Variants in MACROD2 observed in about 807,000 individuals in gnomAD.
MACROD2 encodes the protein mono-ADP ribosylhydrolase 2.
Under a neutral mutation model 70.4 loss-of-function variants are expected in MACROD2, and 36 were observed. The ratio of observed to expected loss-of-function variants is 0.51; its 90% CI spans 0.39 to 0.68. The LOEUF (loss-of-function observed/expected upper bound fraction) is 0.68, where lower values mean the gene tolerates loss of function less well. MACROD2 is among the 30% of genes least tolerant of loss of function. The pLI is 0.00. For missense variants in MACROD2, 496 were observed against 538.4 expected, an observed-to-expected ratio of 0.92 and a Z score of 0.78; for synonymous variants, 172 against 178.8, an observed-to-expected ratio of 0.96 and a Z score of 0.30.
At chr20:16,036,553 G>T (rs2067239289) in intron 15 of MACROD2, among the ~76,000 whole-genome samples, 1 of 151,916 alleles carries the variant, frequency 6.6e-6, no homozygotes, top group South Asian at 2.1e-4. Context: ...TGTACCTCTT[G>T]TTTGTGTTTC....
At chr20:14,761,380 C>T (rs117067951) in intron 5 of MACROD2, among the ~76,000 whole-genome samples, 2 of 152,150 alleles carry the variant, frequency 1.3e-5, no homozygotes, top group Admixed American at 6.5e-5. Context: ...ATTTGAGTCA[C>T]GATATCTATA....
chr20:15,357,051 T>C (rs2078295933), intron 6 of MACROD2, among the ~76,000 whole-genome samples: 1 of 152,144 alleles, frequency 6.6e-6, no homozygotes, highest in African/African-American at 2.4e-5. Flanking sequence ...AGCTAGTGAC[T>C]ATCCAATTAG....
chr20:15,443,701 C>T (rs773148669), intron 7 of MACROD2, among the ~76,000 whole-genome samples: 3 of 152,122 alleles, frequency 2.0e-5, no homozygotes, highest in Admixed American at 6.6e-5. Flanking sequence ...TATTCCAGCA[C>T]CTAGCTCAGA....
rs186835435 is a variant in MACROD2 at position 15,127,671 on chromosome 20, A to G, written c.419-102269A>G. 1.1e-4 allele frequency among the ~76,000 whole-genome samples: 16 copies of G among 152,186 alleles called. No individual in the cohort carries two copies. In the East Asian group the frequency reaches 2.7e-3, roughly 26 times the overall value. ...CCACTTGGCAACTGGCTTCTTCCCA[A>G]TAAGTGAAGAGGTAAAGGGAGGTGG... On this transcript the variant is annotated intron_variant, in intron 5 of 17. Transcript: ENST00000684519.
chr20:14,879,044 C>A (rs1426569508), intron 5 of MACROD2, among the ~76,000 whole-genome samples: 1 of 152,096 alleles, frequency 6.6e-6, no homozygotes, highest in African/African-American at 2.4e-5. Context: ...CTATTTTGTG[C>A]TTCTGTGGTT....
At chr20:14,193,336 G>T (rs2081403264) in intron 3 of MACROD2, among the ~76,000 whole-genome samples, 1 of 152,160 alleles carries the variant, frequency 6.6e-6, no homozygotes, top group South Asian at 2.1e-4. Context: ...AAAATTAGCT[G>T]CTTTTATTAA....
chr20:15,132,216 T>C (rs2076111581), intron 5 of MACROD2, among the ~76,000 whole-genome samples: 1 of 151,858 alleles, frequency 6.6e-6, no homozygotes, highest in Non-Finnish European at 1.5e-5. Context: ...TAAAATGAAG[T>C]AAAATAAAAA....
At chr20:15,797,378 G>C (rs544133826) in intron 8 of MACROD2, among the ~76,000 whole-genome samples, 6 of 152,178 alleles carry the variant, frequency 3.9e-5, no homozygotes, top group Non-Finnish European at 7.3e-5. Flanking sequence ...GCCTCCCAAA[G>C]TGCTGGGATT....
chr20:15,311,722 G>A lies in MACROD2; in HGVS notation c.540+81661G>A, dbSNP rs144953554. 4.6e-3 allele frequency among the ~76,000 whole-genome samples: 702 copies of A among 152,244 alleles called. 9 individuals carry two copies. Among genetic ancestry groups the A allele is most frequent in the African/African-American group, 0.016 (679 of 41,544 alleles). On this transcript the variant is annotated intron_variant, in intron 6 of 17. Coordinates refer to ENST00000684519, the MANE Select transcript of MACROD2 (RefSeq NM_001351661.2). ...ACTGCATGTTCTCACATATAAGTGGGAGCTAAATATCGAGTACTCACAAAC... is the reference window on the plus strand; with the variant it reads ...ACTGCATGTTCTCACATATAAGTGGAAGCTAAATATCGAGTACTCACAAAC...
intron 5 of MACROD2, among the ~76,000 whole-genome samples, chr20:14,799,060 C>T (rs2072543489): frequency 6.6e-6 from 1 of 151,892 alleles, no homozygotes; most frequent in Non-Finnish European, 1.5e-5. Flanking sequence ...TTCTTCCTAA[C>T]ATACATTTCC....
At chr20:14,513,913 A>T (rs1281505936) in intron 4 of MACROD2, among the ~76,000 whole-genome samples, 2 of 152,066 alleles carry the variant, frequency 1.3e-5, no homozygotes, top group African/African-American at 2.4e-5. Context: ...AAAAACAAAA[A>T]CAGAAACAAG....
chr20:14,926,419 G>A (rs2074232678), intron 5 of MACROD2, among the ~76,000 whole-genome samples: 2 of 151,928 alleles, frequency 1.3e-5, no homozygotes, highest in South Asian at 4.2e-4. Context: ...GTATGGTGGT[G>A]CGTGCCTGTA....
chr20:15,718,127 T>A (rs971416090), intron 8 of MACROD2, among the ~76,000 whole-genome samples: 2 of 151,018 alleles, frequency 1.3e-5, no homozygotes, highest in African/African-American at 4.9e-5. Context: ...TGCCTCAGCC[T>A]CCCGAGCAGC....
At chr20:14,718,292 CAAAAAAA>C (rs11358439) in intron 5 of MACROD2, among the ~76,000 whole-genome samples, 3 of 54,640 alleles carry the variant, frequency 5.5e-5, no homozygotes, top group Admixed American at 3.4e-4. Context: ...GACTCTGTCT[CAAAAAAA>C]AAAAAAAAAA....
intron 3 of MACROD2, among the ~76,000 whole-genome samples, chr20:14,174,113 G>T (rs1245322297): frequency 6.6e-6 from 1 of 152,128 alleles, no homozygotes; most frequent in Non-Finnish European, 1.5e-5. Flanking sequence ...CAGTCAGGAG[G>T]TGGTGCTCTC....
intron 3 of MACROD2, among the ~76,000 whole-genome samples, chr20:14,349,411 C>T (rs943194885): frequency 6.6e-6 from 1 of 150,730 alleles, no homozygotes; most frequent in Non-Finnish European, 1.5e-5. Flanking sequence ...TCAGTTAATA[C>T]TCTTTTAGTT....
At chr20:14,074,308 G>A (rs2053888821) in intron 2 of MACROD2, among the ~76,000 whole-genome samples, 1 of 152,138 alleles carries the variant, frequency 6.6e-6, no homozygotes, top group Non-Finnish European at 1.5e-5. Context: ...TCCTTTAACA[G>A]TTAATGGTCC....
chr20:15,650,817 T>C (rs2049631446), intron 8 of MACROD2, among the ~76,000 whole-genome samples: 2 of 152,164 alleles, frequency 1.3e-5, no homozygotes. Context: ...ATGTGAAACC[T>C]GAGAACCCCT....
At chr20:15,205,161 A>G (rs1480414562) in intron 5 of MACROD2, among the ~76,000 whole-genome samples, 1 of 152,190 alleles carries the variant, frequency 6.6e-6, no homozygotes, top group Non-Finnish European at 1.5e-5. Context: ...CAAGTCTCAA[A>G]ATATCACCGA....
Sources: gnomAD v4.1 joint callset for allele counts (sites outside exome capture counted in the v4.1 genomes callset) on GRCh38, gnomAD v4.1.1 for gene constraint, MANE v1.5 for transcripts, NCBI Gene and HGNC (gene_info 2026-07-23, HGNC 2026-07-21) for gene names.